TRPS1: variants seen among roughly 807,000 people sequenced by gnomAD.
TRPS1 encodes transcriptional repressor GATA binding 1, also known as zinc finger transcription factor Trps1.
TRPS1 carries 6 observed loss-of-function variants against 101.2 expected under a neutral mutation model. The observed-to-expected ratio is 0.06, with a 90% confidence interval of 0.03 to 0.12. The LOEUF is 0.12. Among genes scored for constraint, TRPS1 ranks in the 10% least tolerant of loss-of-function variants. The pLI is 1.00. For synonymous variants in TRPS1, 578 were observed against 589.8 expected, an observed-to-expected ratio of 0.98 and a Z score of 0.29; for missense variants, 1,363 against 1,567.0, an observed-to-expected ratio of 0.87 and a Z score of 2.20.
In TRPS1 at chr8:115,414,601, A is replaced by G; in HGVS notation, c.3307T>C (p.Tyr1103His). 1.2e-6 allele frequency: 2 copies of G among 1,614,006 alleles called. No individual in the cohort carries two copies. Among genetic ancestry groups the G allele is most frequent in the Non-Finnish European group, 1.7e-6 (2 of 1,179,950 alleles). Reference protein sequence around the residue: ...YSPPGSPIEKYQYPLFGLPFV... With the variant: ...YSPPGSPIEKHQYPLFGLPFV... ...GGAAGTCCAAAAAGTGGGTACTGGT[A>G]CTTTTCAATAGGGCTGCCTGGTGGT... The change falls in exon 7 of 7, where the codon TAC becomes CAC. Residue 1103 changes from tyrosine (Y) to histidine (H), a missense_variant. Tyr to His is a moderately conservative substitution (Grantham distance 83). Around this residue, in one of 5 missense-constraint regions of TRPS1, gnomAD observed 307 missense variants for 392.4 expected, o/e 0.78. Coordinates refer to ENST00000395715, the MANE Select transcript of TRPS1 (RefSeq NM_014112.5). This position sits in a 1 kb window ranked among gnomAD's most constrained non-coding sequence, Gnocchi z 4.8.
At chr8:115,568,870 C>G (rs1443627765) in intron 5 of TRPS1, among the ~76,000 whole-genome samples, 2 of 152,146 alleles carry the variant, frequency 1.3e-5, no homozygotes, top group African/African-American at 2.4e-5. Context: ...TCCTGCCTCT[C>G]TGATTTAGCA....
At chr8:115,532,191 T>A (rs1392692904) in intron 5 of TRPS1, among the ~76,000 whole-genome samples, 1 of 152,018 alleles carries the variant, frequency 6.6e-6, no homozygotes, top group East Asian at 1.9e-4. Flanking sequence ...GGTCCAATAC[T>A]TCTGAAATAA....
rs1169514340 is a variant in TRPS1, at chr8:115,476,005, CTTTTTTTTTTTTTTTTT to C, written c.2701-57570_2701-57554del. 7.4e-5 allele frequency among the ~76,000 whole-genome samples: 3 copies of C among 40,670 alleles called. 1 individual carries two copies. Among genetic ancestry groups the C allele is most frequent in the Non-Finnish European group, 1.1e-4 (3 of 26,388 alleles). The allele number at this position is 40,670 out of a possible 152,430, so 26.7% of individuals were successfully genotyped here. A position where few individuals can be genotyped will look rare whatever the true frequency, so the allele number is the denominator to read the frequency against. ...AAGAGGTGTTCAGAAAATATACTTT[CTTTTTTTTTTTTTTTTT>C]TTTTTTTTTTTTTTGAGACGGAGTC... is the stretch of plus-strand genomic sequence containing the variant. On this transcript the variant is annotated intron_variant, in intron 5 of 6. Transcript: ENST00000395715.
At chr8:115,573,156 A>C (rs557895230) in intron 5 of TRPS1, among the ~76,000 whole-genome samples, 2 of 152,100 alleles carry the variant, frequency 1.3e-5, no homozygotes, top group East Asian at 3.9e-4. Context: ...AAATATAGTA[A>C]AGCGTGTGAA....
chr8:115,442,018 A>G (rs572166460), intron 5 of TRPS1, among the ~76,000 whole-genome samples: 1 of 151,868 alleles, frequency 6.6e-6, no homozygotes, highest in Admixed American at 6.6e-5. Flanking sequence ...ATAGTTTTTT[A>G]TTATTACAAA....
intron 5 of TRPS1, among the ~76,000 whole-genome samples, chr8:115,422,594 G>A (rs1813094811): frequency 6.6e-6 from 1 of 152,088 alleles, no homozygotes; most frequent in African/African-American, 2.4e-5. Flanking sequence ...TCCAACTCCT[G>A]ACCTCAGGTG....
intron 4 of TRPS1, among the ~76,000 whole-genome samples, chr8:115,597,064 T>G (rs1200783408): frequency 6.6e-6 from 1 of 151,932 alleles, no homozygotes; most frequent in African/African-American, 2.4e-5. Flanking sequence ...TTTTTCCTGT[T>G]TTTATTTTGG....
rs898829564 is a variant in TRPS1, at chr8:115,632,085, T to C, written c.-121-8327A>G. On this transcript the variant is annotated intron_variant, in intron 1 of 6. Transcript: ENST00000395715. Reference sequence around the variant, plus strand: ...GTTCATTAAAAAGTGGCACATTCTCTATATAGTGATAATTCTATAATAAGA... The same window carrying C: ...GTTCATTAAAAAGTGGCACATTCTCCATATAGTGATAATTCTATAATAAGA... Among the ~76,000 whole-genome samples, 9 of 152,248 alleles carry C rather than the reference T, an allele frequency of 5.9e-5. No individual in the cohort carries two copies. The South Asian group carries it at 1.2e-3, about 21-fold the overall frequency.
At chr8:115,636,809 G>A (rs1298686186) in intron 1 of TRPS1, among the ~76,000 whole-genome samples, 1 of 152,028 alleles carries the variant, frequency 6.6e-6, no homozygotes, top group Non-Finnish European at 1.5e-5. Flanking sequence ...CTACTTGGGA[G>A]CCTGAGGCAG....
Position 115,412,979 on chromosome 8 carries a change from C to T in TRPS1, c.*1044G>A, listed in dbSNP as rs904214678. On this transcript the variant is annotated 3_prime_UTR_variant, in exon 7 of 7. Transcript: ENST00000395715. ...GTGGTAACGTAACCTTAGACGCTGC[C>T]TGACCACAAAGTTTGGAAATTATAT... is the stretch of plus-strand genomic sequence containing the variant. 1 of 152,498 alleles carries T rather than the reference C, an allele frequency of 6.6e-6. No individual in the cohort carries two copies. Among genetic ancestry groups the T allele is most frequent in the Non-Finnish European group, 1.5e-5 (1 of 67,994 alleles). 9.4% of individuals were successfully genotyped at this position (152,498 alleles called of 1,614,324 possible).
chr8:115,504,809 A>G (rs1245512172), intron 5 of TRPS1, among the ~76,000 whole-genome samples: 1 of 152,196 alleles, frequency 6.6e-6, no homozygotes, highest in African/African-American at 2.4e-5. Flanking sequence ...TTCTGTAACT[A>G]GCTAGTTAAA....
intron 3 of TRPS1, among the ~76,000 whole-genome samples, chr8:115,607,083 TCA>T (rs1443128636): frequency 1.3e-5 from 2 of 152,104 alleles, no homozygotes; most frequent in African/African-American, 4.8e-5. Flanking sequence ...CCAGGCATCA[TCA>T]CTATTTCTTT....
At chr8:115,533,441 T>G (rs1051234251) in intron 5 of TRPS1, among the ~76,000 whole-genome samples, 11 of 124,466 alleles carry the variant, frequency 8.8e-5, no homozygotes, top group African/African-American at 3.4e-4. Flanking sequence ...AATCTGTTTT[T>G]TTTTTTTTTT....
intron 5 of TRPS1, among the ~76,000 whole-genome samples, chr8:115,463,470 A>G (rs1029597879): frequency 2.6e-5 from 4 of 152,192 alleles, no homozygotes; most frequent in African/African-American, 9.7e-5. Context: ...CAACAATGAC[A>G]GAATTCATGT....
chr8:115,587,357 T>C lies in TRPS1; in HGVS notation c.2344A>G (p.Lys782Glu). ...TTGAGCCCGTCCTTCTCTTCCAGCT[T>C]CTCTCTCTTCACCACACTCTCAGAA... is the stretch of plus-strand genomic sequence containing the variant. ...PVSESVVKRE[K>E]LEEKDGLKEK... is the part of the protein sequence containing the mutation. The change falls in exon 5 of 7, where the codon AAG becomes GAG. Residue 782 changes from lysine (K) to glutamate (E), a missense_variant. By Grantham distance (56) the Lys-to-Glu change is moderately conservative. Transcript: ENST00000395715. The C allele has an allele frequency of 6.2e-7, 1 of 1,614,180 alleles. No individual in the cohort carries two copies. Among genetic ancestry groups the C allele is most frequent in the Non-Finnish European group, 8.5e-7 (1 of 1,180,008 alleles).
chr8:115,454,707 A>AGAG (rs1813971182), intron 5 of TRPS1, among the ~76,000 whole-genome samples: 1 of 152,176 alleles, frequency 6.6e-6, no homozygotes, highest in African/African-American at 2.4e-5. Context: ...TGAAATATAG[A>AGAG]GCTCTTTCAA....
chr8:115,443,775 C>A (rs6469589), intron 5 of TRPS1, among the ~76,000 whole-genome samples: 58,092 of 152,008 alleles, frequency 0.38, 12,349 homozygotes, highest in African/African-American at 0.58. Flanking sequence ...TGGTTATGAT[C>A]GTTCCATTTC....
chr8:115,459,752 T>C (rs1360391146), intron 5 of TRPS1, among the ~76,000 whole-genome samples: 1 of 152,170 alleles, frequency 6.6e-6, no homozygotes, highest in African/African-American at 2.4e-5. Context: ...TCTGATTGTT[T>C]CCCATATGTA....
chr8:115,486,812 T>C (rs531295635), intron 5 of TRPS1, among the ~76,000 whole-genome samples: 1 of 152,240 alleles, frequency 6.6e-6, no homozygotes, highest in South Asian at 2.1e-4. Flanking sequence ...TTCATGAGGT[T>C]GAAGGAAAGA....
Sources: allele counts gnomAD v4.1 joint callset (sites outside exome capture counted in the v4.1 genomes callset), GRCh38; gene constraint gnomAD v4.1.1; regional missense constraint gnomAD v4.1.1; non-coding constraint Gnocchi (gnomAD v3.1); transcripts MANE v1.5; gene names NCBI Gene and HGNC (gene_info 2026-07-23, HGNC 2026-07-21).